The following HGS variants were observed in gnomAD, a reference collection of about 807,000 sequenced individuals.
HGS encodes human growth factor-regulated tyrosine kinase substrate.
A neutral mutation model predicts 109.7 loss-of-function variants in HGS; 63 were observed. That is an observed-to-expected ratio of 0.57 (90% CI 0.47 to 0.71). The LOEUF (loss-of-function observed/expected upper bound fraction) is 0.71, where lower values mean the gene tolerates loss of function less well. Ranked by LOEUF, HGS falls within the 30% of genes least tolerant of loss-of-function variation. The probability of loss-of-function intolerance (pLI) is 0.00; values close to 1 mark genes in which losing one functional copy is unlikely to be tolerated. For synonymous variants in HGS, 546 were observed against 437.3 expected (o/e 1.25, Z -3.10); for missense variants, 995 against 1,068.3 (o/e 0.93, Z 0.96).
chr17:81,689,829 G>A (rs1242669740), intron 5 of HGS, among the ~76,000 whole-genome samples: 1 of 152,210 alleles, frequency 6.6e-6, no homozygotes, highest in Admixed American at 6.5e-5. Context: ...CGTGTGTCAA[G>A]AATAGCTCAA....
At chr17:81,696,249 C>T in intron 15 of HGS, 108 bp from the exon 16 acceptor site, 1 of 1,353,178 alleles carries the variant, frequency 7.4e-7, no homozygotes, top group South Asian at 1.5e-5. Flanking sequence ...CTTCAGAGCC[C>T]TCTGCAGAAG....
Position 81,696,846 on chromosome 17 carries a change from G to C in HGS, c.1730G>C (p.Gly577Ala), listed in dbSNP as rs773635541. Residue 577 changes from glycine to alanine, a missense_variant, in exon 18 of 22, where the codon GGA becomes GCA. Gly to Ala is a moderately conservative substitution (Grantham distance 60). Transcript: ENST00000329138. ...YAQLQAMPAA[G>A]GVLYQPSGPA... ...CAGCTCCAGGCCATGCCCGCAGCCG[G>C]AGGTGTGCTCTACCAGCCCTCGGGA... 1.2e-6 allele frequency: 2 copies of C among 1,610,880 alleles called. No homozygotes were observed. Among genetic ancestry groups the C allele is most frequent in the Non-Finnish European group, 1.7e-6 (2 of 1,179,434 alleles).
rs1203335350 is a variant in HGS, at chr17:81,686,332, C to T, written c.143C>T (p.Ser48Phe). ...GDTQAKYAVN[S>F]IKKKVNDKNP... Reference sequence around the variant, plus strand: ...TTCAGAGCAAAATATGCTGTGAATTCCATCAAGAAGAAAGTCAACGACAAG... The same window carrying T: ...TTCAGAGCAAAATATGCTGTGAATTTCATCAAGAAGAAAGTCAACGACAAG... The change falls in exon 3 of 22, where the codon TCC becomes TTC. Residue 48 changes from serine to phenylalanine, a missense_variant. Physicochemically the swap from Ser to Phe is radical, Grantham distance 155 (BLOSUM62 -2). Coordinates refer to ENST00000329138, the MANE Select transcript of HGS (RefSeq NM_004712.5). 6.2e-7 allele frequency: 1 copy of T among 1,613,438 alleles called. No homozygotes were observed. Among genetic ancestry groups the T allele is most frequent in the Admixed American group, 1.7e-5 (1 of 59,972 alleles).
At chr17:81,685,018 C>A (rs953325812) in intron 1 of HGS, 6 of 985,198 alleles carry the variant, frequency 6.1e-6, no homozygotes, top group East Asian at 1.1e-4. Context: ...CTGGAGCTGC[C>A]CCCCCAGAGG....
At chr17:81,696,577 C>A in intron 16 of HGS, 30 bp from the exon 17 acceptor site, 1 of 1,564,122 alleles carries the variant, frequency 6.4e-7, no homozygotes, top group South Asian at 1.2e-5. Context: ...GGGGACCTCG[C>A]AGCATAACCA....
chr17:81,684,337 G>T (rs762162060), intron 1 of HGS: 44 of 365,082 alleles, frequency 1.2e-4, no homozygotes, highest in Non-Finnish European at 2.0e-4. Context: ...CGCGCAGGGC[G>T]CCAGGGGCGC....
intron 18 of HGS, among the ~76,000 whole-genome samples, chr17:81,698,841 C>G (rs1025812928): frequency 2.0e-5 from 3 of 152,126 alleles, no homozygotes; most frequent in Non-Finnish European, 4.4e-5. Context: ...GGCCAAGGCG[C>G]GTGGCTCACC....
chr17:81,688,717 T>C lies in HGS; in HGVS notation c.305T>C (p.Val102Ala). The change falls in exon 5 of 22, where the codon GTA becomes GCA. Residue 102 changes from valine to alanine, a missense_variant. Around this residue, in one of 6 missense-constraint regions of HGS, gnomAD observed 182 missense variants for 261.3 expected, o/e 0.70. Transcript: ENST00000329138. Reference sequence around the variant, plus strand: ...CCCTGCCTGCAGAGACAAGTGGAGGTAAACGTCCGTAACAAGATCCTGTAC... The same window carrying C: ...CCCTGCCTGCAGAGACAAGTGGAGGCAAACGTCCGTAACAAGATCCTGTAC... ...LKDLLKRQVE[V>A]NVRNKILYLI... 6.2e-7 allele frequency: 1 copy of C among 1,613,538 alleles called. No individual in the cohort carries two copies.
At chr17:81,690,885 G>T in intron 7 of HGS, 143 bp downstream of exon 7, 3 of 654,250 alleles carry the variant, frequency 4.6e-6, no homozygotes, top group Admixed American at 3.1e-5. Flanking sequence ...TGGCAGTGTG[G>T]CGTCAGGAGG....
chr17:81,688,893 G>A, intron 5 of HGS, 66 bp downstream of exon 5: 1 of 1,598,294 alleles, frequency 6.3e-7, no homozygotes, highest in Non-Finnish European at 8.6e-7. Flanking sequence ...GGCTCAACGG[G>A]CACAGTGGCG....
In HGS at chr17:81,694,790, G is replaced by C. The variant is rs776029528; in HGVS notation, c.937-25G>C. 5.0e-6 allele frequency: 8 copies of C among 1,614,220 alleles called. No homozygotes were observed. In the South Asian group the frequency reaches 8.8e-5, roughly 18 times the overall value. On this transcript the variant is annotated intron_variant, in intron 11 of 21. Transcript: ENST00000329138. Reference sequence around the variant, plus strand: ...AAGCAACTGGCTCTGTCACCTGTGAGACTCAGATGCCCTTTTCTCCCCAGA... The same window carrying C: ...AAGCAACTGGCTCTGTCACCTGTGACACTCAGATGCCCTTTTCTCCCCAGA...
chr17:81,696,899 C>A lies in HGS; in HGVS notation c.1783C>A (p.Pro595Thr). 6.2e-7 allele frequency: 1 copy of A among 1,610,000 alleles called. No homozygotes were observed. Among genetic ancestry groups the A allele is most frequent in the Non-Finnish European group, 8.5e-7 (1 of 1,179,830 alleles). The change falls in exon 18 of 22, where the codon CCT (proline) becomes ACT (threonine). Residue 595 changes from proline to threonine, a missense_variant. Pro to Thr is a conservative substitution (Grantham distance 38). Around this residue, in one of 6 missense-constraint regions of HGS, gnomAD observed 326 missense variants for 309.7 expected, o/e 1.05. Coordinates refer to ENST00000329138, the MANE Select transcript of HGS (RefSeq NM_004712.5). ...AGCCAGCTTCCCCAGCACCTTCAGC[C>A]CTGCCGGCTCGGTGGAGGGCTCCCC... The part of the protein sequence containing the change: ...GPASFPSTFS[P>T]AGSVEGSPMH...
In HGS at chr17:81,696,613, C is replaced by A; in HGVS notation, c.1573C>A (p.Leu525Met). 1 of 1,606,672 alleles carries A rather than the reference C, an allele frequency of 6.2e-7. No homozygotes were observed. The highest frequency in any genetic ancestry group is 1.7e-5 in the Admixed American group (1 of 59,486). The change falls in exon 17 of 22, where the codon CTG becomes ATG. Residue 525 changes from leucine to methionine, a missense_variant. Physicochemically the swap from Leu to Met is conservative, Grantham distance 15 (BLOSUM62 2). This residue lies in a region of HGS where 163 missense variants were observed against 217.8 expected (regional missense o/e 0.75). Coordinates refer to ENST00000329138, the MANE Select transcript of HGS (RefSeq NM_004712.5). ...GCATGTTTTTGCCGCACAGGAGTAC[C>A]TGGAGGTGCAGAGGCAGCTGGCCAT... ...EIMRQKKQEY[L>M]EVQRQLAIQR...
Position 81,696,953 on chromosome 17 carries a change from G to T in HGS, c.1837G>T (p.Ala613Ser), listed in dbSNP as rs565093805. The change falls in exon 18 of 22, where the codon GCC (alanine) becomes TCC (serine). Residue 613 changes from alanine (A) to serine (S), a missense_variant. Physicochemically the swap from Ala to Ser is moderately conservative, Grantham distance 99. Coordinates refer to ENST00000329138, the MANE Select transcript of HGS (RefSeq NM_004712.5). ...GCACGGCGTGTACATGAGCCAGCCG[G>T]CCCCTGCCGCTGGCCCCTACCCCAG... is the stretch of plus-strand genomic sequence containing the variant. ...PMHGVYMSQP[A>S]PAAGPYPSMP... 3.1e-5 allele frequency: 50 copies of T among 1,602,566 alleles called. 1 individual carries two copies. In the South Asian group the frequency reaches 4.6e-4, roughly 15 times the overall value.
intron 2 of HGS, among the ~76,000 whole-genome samples, chr17:81,686,091 C>T (rs929789599): frequency 2.4e-4 from 36 of 152,022 alleles, no homozygotes; most frequent in Non-Finnish European, 4.0e-4. Flanking sequence ...CCATCACGCC[C>T]GGCTGATTTT....
chr17:81,684,037 C>A lies in HGS; in HGVS notation c.-30C>A, dbSNP rs756047044. ...CGCCAGCTCGTAGCAGGGGAGCGCC[C>A]GCGGCGTCGGGTTTGGGCTGGAGGT... On this transcript the variant is annotated 5_prime_UTR_variant, in exon 1 of 22. Coordinates refer to ENST00000329138, the MANE Select transcript of HGS (RefSeq NM_004712.5). 4 of 1,583,046 alleles carry A rather than the reference C, an allele frequency of 2.5e-6. No individual in the cohort carries two copies. The East Asian group carries it at 9.1e-5, about 36-fold the overall frequency.
chr17:81,694,065 C>T (rs962712368), intron 11 of HGS, 100 bp downstream of exon 11: 15 of 1,004,258 alleles, frequency 1.5e-5, no homozygotes, highest in Middle Eastern at 3.2e-4. Context: ...GTGGGGGATG[C>T]GGGTCCCCGG....
At chr17:81,694,710 G>A (rs748460423) in intron 11 of HGS, 105 bp from the exon 12 acceptor site, 41 of 1,378,380 alleles carry the variant, frequency 3.0e-5, no homozygotes, top group Non-Finnish European at 4.0e-5. Context: ...GAGGGCCCAG[G>A]CTGCGGCTCT....
chr17:81,685,193 T>C (rs1032282370), intron 1 of HGS: 5 of 451,484 alleles, frequency 1.1e-5, no homozygotes, highest in Admixed American at 6.4e-5. Flanking sequence ...TAAGGTCCCA[T>C]TGAAACCGGG....
Sources: allele counts gnomAD v4.1 joint callset (sites outside exome capture counted in the v4.1 genomes callset), GRCh38; gene constraint gnomAD v4.1.1; regional missense constraint gnomAD v4.1.1; transcripts MANE v1.5; gene names NCBI Gene and HGNC (gene_info 2026-07-23, HGNC 2026-07-21).